The following SOX6 variants were observed in gnomAD, a reference collection of about 807,000 sequenced individuals.
The protein encoded by SOX6 is transcription factor SOX-6.
SOX6 carries 11 observed loss-of-function variants against 97.8 expected under a neutral mutation model. The ratio of observed to expected loss-of-function variants is 0.11; its 90% CI spans 0.07 to 0.19. SOX6 has a LOEUF of 0.19. SOX6 is among the 10% of genes least tolerant of loss of function. SOX6 has a pLI of 1.00. For missense variants in SOX6, 810 were observed against 1,039.5 expected (o/e 0.78, Z 3.04); for synonymous variants, 360 against 371.4 (o/e 0.97, Z 0.35).
At chr11:16,668,231 A>AG (rs1469139413) in intron 3 of SOX6, among the ~76,000 whole-genome samples, 2 of 151,872 alleles carry the variant, frequency 1.3e-5, no homozygotes, top group Non-Finnish European at 2.9e-5. Flanking sequence ...AAAATTAGCC[A>AG]GCATGGGGGT....
At chr11:16,016,988 G>A (rs1401560080) in intron 12 of SOX6, among the ~76,000 whole-genome samples, 2 of 151,566 alleles carry the variant, frequency 1.3e-5, no homozygotes, top group Admixed American at 6.6e-5. Context: ...GATTTTACTG[G>A]AAAATATTCT....
intron 4 of SOX6, among the ~76,000 whole-genome samples, chr11:16,542,453 T>TAA (rs999105242): frequency 2.6e-5 from 4 of 152,142 alleles, no homozygotes; most frequent in African/African-American, 9.7e-5. Context: ...CCCTAGAACT[T>TAA]AAAGTATAAT....
chr11:16,560,422 C>CATGTTTATACGTACAT (rs1847795973), intron 4 of SOX6, among the ~76,000 whole-genome samples: 2 of 113,140 alleles, frequency 1.8e-5, no homozygotes. Flanking sequence ...TATATACGTA[C>CATGTTTATACGTACAT]ATATGTTTAT....
intron 12 of SOX6, among the ~76,000 whole-genome samples, chr11:16,019,390 A>G (rs1361608702): frequency 6.6e-6 from 1 of 152,090 alleles, no homozygotes; most frequent in African/African-American, 2.4e-5. Context: ...GTGTCTGAAT[A>G]TGGGGGATCA....
At chr11:16,149,673 C>A (rs1244080507) in intron 6 of SOX6, among the ~76,000 whole-genome samples, 2 of 152,104 alleles carry the variant, frequency 1.3e-5, no homozygotes, top group African/African-American at 4.8e-5. Context: ...ATGTCAATTC[C>A]TTTGACTAGA....
intron 3 of SOX6, among the ~76,000 whole-genome samples, chr11:16,633,251 T>C (rs1280551522): frequency 6.6e-6 from 1 of 152,258 alleles, no homozygotes; most frequent in East Asian, 1.9e-4. Flanking sequence ...ACTGCATAAG[T>C]GACACTGAGC....
chr11:16,222,331 G>C (rs1336403652), intron 4 of SOX6, among the ~76,000 whole-genome samples: 1 of 152,036 alleles, frequency 6.6e-6, no homozygotes, highest in Non-Finnish European at 1.5e-5. Flanking sequence ...GCCTGCCTCA[G>C]CTTCTCCAGT....
intron 6 of SOX6, among the ~76,000 whole-genome samples, chr11:16,120,761 T>C (rs577154688): frequency 6.6e-6 from 1 of 152,136 alleles, no homozygotes; most frequent in Non-Finnish European, 1.5e-5. Flanking sequence ...TTTTACTATG[T>C]CCTTGCCCAA....
intron 6 of SOX6, among the ~76,000 whole-genome samples, chr11:16,154,050 T>C (rs1170525433): frequency 2.0e-5 from 3 of 152,086 alleles, no homozygotes; most frequent in African/African-American, 7.2e-5. Context: ...TCCTCCCAGC[T>C]CAAATCACAT....
rs1306288239 is a variant in SOX6, at chr11:16,096,080, T to C, written c.1017A>G (p.Leu339=). Reference sequence around the variant, plus strand: ...TGCCAAAACGGTCACTTAGGCCCTTTAGCCTTTGGTTAATTTGTGGGTGGG... The same window carrying C: ...TGCCAAAACGGTCACTTAGGCCCTTCAGCCTTTGGTTAATTTGTGGGTGGG... ...HVSHPQINQR[L]KGLSDRFGRN... Residue 339 remains leucine, a synonymous_variant, in exon 9 of 16, where the codon CTA becomes CTG. Transcript: ENST00000683767. 3 of 1,611,584 alleles carry C rather than the reference T, an allele frequency of 1.9e-6. No individual in the cohort carries two copies. The highest frequency in any genetic ancestry group is 1.1e-5 in the South Asian group (1 of 91,032).
intron 4 of SOX6, chr11:16,484,708 G>T: frequency 1.8e-6 from 1 of 561,406 alleles, no homozygotes; most frequent in South Asian, 2.1e-5. Context: ...CCAGAACCGT[G>T]CCTAGTTCAG....
chr11:16,191,380 G>A (rs995358793), intron 4 of SOX6, among the ~76,000 whole-genome samples: 2 of 152,102 alleles, frequency 1.3e-5, no homozygotes, highest in Non-Finnish European at 1.5e-5. Context: ...AGCATTACTC[G>A]AGCCCAGGAG....
intron 3 of SOX6, among the ~76,000 whole-genome samples, chr11:16,626,506 G>T (rs552295928): frequency 6.6e-6 from 1 of 151,970 alleles, no homozygotes; most frequent in Non-Finnish European, 1.5e-5. Context: ...TATTCTTTTT[G>T]GTTGTTGTTA....
chr11:16,306,859 C>T (rs554457262), intron 3 of SOX6, among the ~76,000 whole-genome samples: 53 of 151,894 alleles, frequency 3.5e-4, no homozygotes, highest in African/African-American at 1.0e-3. Flanking sequence ...CTCCTGACCG[C>T]GTGATCCACC....
At chr11:16,481,696 G>T (rs1251785284) in intron 4 of SOX6, among the ~76,000 whole-genome samples, 1 of 152,122 alleles carries the variant, frequency 6.6e-6, no homozygotes, top group Non-Finnish European at 1.5e-5. Context: ...TAGCATGGTT[G>T]CATGTTCAAT....
intron 12 of SOX6, among the ~76,000 whole-genome samples, chr11:16,026,826 A>G (rs1366894206): frequency 6.6e-6 from 1 of 151,720 alleles, no homozygotes; most frequent in Non-Finnish European, 1.5e-5. Flanking sequence ...TTCATTTCAT[A>G]CAAACTAAAA....
chr11:16,680,136 G>A (rs1847915146), intron 3 of SOX6, among the ~76,000 whole-genome samples: 1 of 152,126 alleles, frequency 6.6e-6, no homozygotes, highest in African/African-American at 2.4e-5. Flanking sequence ...CGTGAGAAGA[G>A]CACCCCAAGA....
chr11:16,680,289 G>T (rs998797341), intron 3 of SOX6, among the ~76,000 whole-genome samples: 1 of 152,168 alleles, frequency 6.6e-6, no homozygotes, highest in Admixed American at 6.5e-5. Flanking sequence ...CCAGAAGAGA[G>T]TGGGGGCCAA....
intron 4 of SOX6, among the ~76,000 whole-genome samples, chr11:16,205,589 T>G (rs76289281): frequency 0.058 from 8,892 of 152,098 alleles, 651 homozygotes; most frequent in East Asian, 0.37. Flanking sequence ...GTTATGAAGA[T>G]TTAACAGCCA....
Sources: allele counts gnomAD v4.1 joint callset (sites outside exome capture counted in the v4.1 genomes callset), GRCh38; gene constraint gnomAD v4.1.1; transcripts MANE v1.5; gene names NCBI Gene and HGNC (gene_info 2026-07-23, HGNC 2026-07-21).